KLRG1: variants seen among roughly 807,000 people sequenced by gnomAD.
The protein encoded by KLRG1 is killer cell lectin like receptor G1.
KLRG1 carries 16 observed loss-of-function variants against 21.8 expected under a neutral mutation model. The ratio of observed to expected loss-of-function variants is 0.73; its 90% CI spans 0.50 to 1.11. The LOEUF is 1.11. KLRG1 is among the 50% of genes most tolerant of loss of function. The probability of loss-of-function intolerance (pLI) is 0.00; values close to 1 mark genes in which losing one functional copy is unlikely to be tolerated. For missense variants in KLRG1, 173 were observed against 218.3 expected, an observed-to-expected ratio of 0.79 and a Z score of 1.31; for synonymous variants, 69 against 75.9, an observed-to-expected ratio of 0.91 and a Z score of 0.47.
chr12:9,185,085 C>T, the KLRG1 span, among the ~76,000 whole-genome samples: 1 of 152,096 alleles, frequency 6.6e-6, no homozygotes. Flanking sequence ...GCTGAGATGG[C>T]TGAAATGACA....
chr12:8,963,992 G>A (rs1946422585), intron 1 of KLRG1, among the ~76,000 whole-genome samples: 1 of 152,034 alleles, frequency 6.6e-6, no homozygotes, highest in South Asian at 2.1e-4. Flanking sequence ...ACCAGCTCCT[G>A]GATTCATTAA....
the KLRG1 span, among the ~76,000 whole-genome samples, chr12:9,114,755 T>A: frequency 3.7e-4 from 56 of 152,136 alleles, no homozygotes; most frequent in African/African-American, 1.2e-3. Context: ...ATGTAACATA[T>A]GTGGGTAGGT....
At chr12:9,006,407 G>A (rs1947475995) in intron 3 of KLRG1, among the ~76,000 whole-genome samples, 1 of 152,146 alleles carries the variant, frequency 6.6e-6, no homozygotes, top group Non-Finnish European at 1.5e-5. Context: ...GAAAAGCTAT[G>A]CAAAGACCTT....
rs1565555475 is a variant in KLRG1, at chr12:9,009,980, T to C, written c.*443T>C. 3 of 1,533,406 alleles carry C rather than the reference T, an allele frequency of 2.0e-6. No individual in the cohort carries two copies. The highest frequency in any genetic ancestry group is 2.6e-6 in the Non-Finnish European group (3 of 1,144,994). 95.0% of individuals were successfully genotyped at this position (1,533,406 alleles called of 1,614,324 possible). ...TCTGTACATTACTGATCCCTGATGG[T>C]ATATTTCTATCCTAACAGTGTCCCT... On this transcript the variant is annotated 3_prime_UTR_variant, in exon 5 of 5. Coordinates refer to ENST00000356986, the MANE Select transcript of KLRG1 (RefSeq NM_005810.4).
the KLRG1 span, among the ~76,000 whole-genome samples, chr12:9,207,223 C>T: frequency 6.6e-6 from 1 of 152,144 alleles, no homozygotes; most frequent in Non-Finnish European, 1.5e-5. Flanking sequence ...TGAAGACTTC[C>T]CTGTATCAGT....
the KLRG1 span, chr12:9,095,031 A>G: frequency 6.3e-7 from 1 of 1,598,254 alleles, no homozygotes; most frequent in Non-Finnish European, 8.5e-7. Flanking sequence ...GAAGCTGTGG[A>G]CACATTTTGG....
chr12:9,011,630 G>A (rs759284208), downstream of KLRG1, among the ~76,000 whole-genome samples: 4 of 152,280 alleles, frequency 2.6e-5, no homozygotes, highest in East Asian at 3.9e-4. Context: ...ACAATTATCC[G>A]CAAAAGAAAG....
chr12:8,994,602 C>A (rs893259536), intron 2 of KLRG1, among the ~76,000 whole-genome samples: 1 of 152,162 alleles, frequency 6.6e-6, no homozygotes, highest in African/African-American at 2.4e-5. Context: ...AATAAAAAAG[C>A]AAAACCTTTC....
intron 1 of KLRG1, chr12:8,970,459 C>T (rs1946548494): frequency 6.6e-6 from 1 of 152,244 alleles, no homozygotes; most frequent in South Asian, 2.1e-4. Context: ...CCCCTATCCA[C>T]TGAAAAAATT....
chr12:9,067,748 A>G, the KLRG1 span: 3 of 1,375,358 alleles, frequency 2.2e-6, no homozygotes, highest in Non-Finnish European at 3.1e-6. Flanking sequence ...AAGTCTTTAA[A>G]GATACAAAAA....
chr12:9,047,227 T>C, the KLRG1 span, among the ~76,000 whole-genome samples: 2 of 152,200 alleles, frequency 1.3e-5, no homozygotes, highest in African/African-American at 4.8e-5. Context: ...ATATTATTAG[T>C]AGCAATAAAA....
the KLRG1 span, chr12:9,098,825 CAG>C: frequency 1.3e-6 from 2 of 1,540,002 alleles, no homozygotes; most frequent in Non-Finnish European, 1.8e-6. Flanking sequence ...CTCGCATTTG[CAG>C]AGTGTTCCTC....
upstream of KLRG1, chr12:8,987,342 G>A (rs1412721076): frequency 2.0e-5 from 3 of 152,182 alleles, no homozygotes; most frequent in Non-Finnish European, 4.4e-5. Context: ...TAAGAAGAGA[G>A]ACCAGAGCCC....
At chr12:9,101,745 G>C in the KLRG1 span, 143 of 1,261,764 alleles carry the variant, frequency 1.1e-4, no homozygotes, top group African/African-American at 1.8e-3. Context: ...ACAAAACTAC[G>C]TAAGTTTACT....
chr12:9,078,018 C>A, the KLRG1 span, among the ~76,000 whole-genome samples: 1 of 152,136 alleles, frequency 6.6e-6, no homozygotes, highest in African/African-American at 2.4e-5. Context: ...GATTAATCTG[C>A]TAGATGTAGT....
intron 1 of KLRG1, among the ~76,000 whole-genome samples, chr12:8,961,842 T>C (rs1006721958): frequency 1.3e-5 from 2 of 152,292 alleles, no homozygotes; most frequent in African/African-American, 4.8e-5. Context: ...TCCCAGCGCA[T>C]TGAGTGTCCA....
the KLRG1 span, chr12:9,068,947 A>G: frequency 1.4e-6 from 1 of 716,662 alleles, no homozygotes; most frequent in Non-Finnish European, 2.3e-6. Flanking sequence ...TTATTATCCT[A>G]CAGCACACTA....
the KLRG1 span, among the ~76,000 whole-genome samples, chr12:9,072,025 T>C: frequency 8.5e-4 from 129 of 152,340 alleles, no homozygotes; most frequent in Non-Finnish European, 1.6e-3. Flanking sequence ...TTCAAACTTT[T>C]CAATAATTCT....
the KLRG1 span, chr12:9,149,642 T>G: frequency 6.3e-7 from 1 of 1,598,096 alleles, no homozygotes; most frequent in Non-Finnish European, 8.6e-7. Context: ...ACGAAAGATC[T>G]ATGAACTAGG....
Sources: allele counts gnomAD v4.1 joint callset (sites outside exome capture counted in the v4.1 genomes callset), GRCh38; gene constraint gnomAD v4.1.1; transcripts MANE v1.5; gene names NCBI Gene and HGNC (gene_info 2026-07-23, HGNC 2026-07-21).